Variants in ANO2 observed in about 807,000 individuals in gnomAD.
ANO2 encodes anoctamin 2, also known as anoctamin-2.
A neutral mutation model predicts 124.2 loss-of-function variants in ANO2; 101 were observed. That is an observed-to-expected ratio of 0.81 (90% CI 0.69 to 0.96). The LOEUF is 0.96. Ranked by LOEUF, ANO2 falls within the 40% of genes least tolerant of loss-of-function variation. ANO2 has a pLI of 0.00. For missense variants in ANO2, 1,293 were observed against 1,274.5 expected (o/e 1.01, Z -0.22); for synonymous variants, 486 against 482.5 (o/e 1.01, Z -0.09).
chr12:5,612,256 C>T (rs1944579239), intron 19 of ANO2, among the ~76,000 whole-genome samples: 1 of 152,172 alleles, frequency 6.6e-6, no homozygotes, highest in African/African-American at 2.4e-5. Context: ...ATGTATTCCA[C>T]ATTTTCTTCG....
intron 7 of ANO2, among the ~76,000 whole-genome samples, chr12:5,817,187 G>A (rs1342968632): frequency 6.6e-6 from 1 of 152,174 alleles, no homozygotes; most frequent in East Asian, 1.9e-4. Flanking sequence ...GGACTTTCCA[G>A]TTTACAAAAC....
intron 20 of ANO2, among the ~76,000 whole-genome samples, chr12:5,586,164 T>C (rs138947742): frequency 5.1e-4 from 78 of 152,320 alleles, no homozygotes; most frequent in African/African-American, 1.9e-3. Context: ...TGTGGTACGC[T>C]GAGGGCTGTG....
intron 14 of ANO2, among the ~76,000 whole-genome samples, chr12:5,653,747 C>T (rs1165554953): frequency 6.6e-6 from 1 of 152,158 alleles, no homozygotes; most frequent in African/African-American, 2.4e-5. Context: ...CAAATTATGA[C>T]ATGATGTGAC....
Position 5,904,263 on chromosome 12 carries a change from T to C in ANO2, c.534+16777A>G, listed in dbSNP as rs1565766002. 1.3e-5 allele frequency among the ~76,000 whole-genome samples: 2 copies of C among 152,198 alleles called. No individual in the cohort carries two copies. The highest frequency in any genetic ancestry group is 2.1e-4 in the South Asian group (1 of 4,830). On this transcript the variant is annotated intron_variant, in intron 3 of 24. Coordinates refer to ENST00000682330, the MANE Select transcript of ANO2 (RefSeq NM_001364791.2). The surrounding 1 kb of genome is among the most constrained non-coding windows in gnomAD (Gnocchi z 4.1). ...TCCTTGAAAAAGGAAAGAGCCAATA[T>C]GATGTGATTTCCAGAACCTGCTCCA...
At chr12:5,708,142 T>C (rs1949683846) in intron 14 of ANO2, among the ~76,000 whole-genome samples, 1 of 152,198 alleles carries the variant, frequency 6.6e-6, no homozygotes, top group African/African-American at 2.4e-5. Context: ...CGTGGTTCTT[T>C]TCCCTTCACC....
At chr12:5,939,366 C>T (rs946420644) in intron 1 of ANO2, among the ~76,000 whole-genome samples, 3 of 152,128 alleles carry the variant, frequency 2.0e-5, no homozygotes, top group African/African-American at 7.2e-5. Flanking sequence ...TCAATTTGAG[C>T]ACCTGCTCAA....
At chr12:5,886,709 T>C (rs1447724643) in intron 3 of ANO2, among the ~76,000 whole-genome samples, 6 of 152,228 alleles carry the variant, frequency 3.9e-5, no homozygotes, top group African/African-American at 9.6e-5. Context: ...ACTCAACAAA[T>C]TGTACATATT....
At chr12:5,851,862 A>G in intron 4 of ANO2, 1 of 700,002 alleles carries the variant, frequency 1.4e-6, no homozygotes, top group Non-Finnish European at 2.6e-6. Flanking sequence ...GCGGAGGTTG[A>G]AAAAGGACAC....
At chr12:5,603,837 C>T (rs990006580) in intron 19 of ANO2, among the ~76,000 whole-genome samples, 2 of 142,670 alleles carry the variant, frequency 1.4e-5, no homozygotes, top group African/African-American at 5.2e-5. Context: ...CCCAGCTACT[C>T]GGGAGGCTGA....
At chr12:5,711,498 C>T (rs1055930089) in intron 14 of ANO2, among the ~76,000 whole-genome samples, 28 of 152,284 alleles carry the variant, frequency 1.8e-4, no homozygotes, top group Middle Eastern at 3.4e-3. Context: ...ATAAATTACC[C>T]GGTCTCAGAT....
At chr12:5,827,348 C>A (rs952492960) in intron 7 of ANO2, among the ~76,000 whole-genome samples, 2 of 151,246 alleles carry the variant, frequency 1.3e-5, no homozygotes, top group Non-Finnish European at 2.9e-5. Flanking sequence ...ACAGTCATGA[C>A]CCCTCTCTGG....
chr12:5,633,444 G>A (rs1053456000), intron 16 of ANO2, among the ~76,000 whole-genome samples: 1 of 152,142 alleles, frequency 6.6e-6, no homozygotes, highest in African/African-American at 2.4e-5. Flanking sequence ...TTTCTCAGCT[G>A]GTTCAGTAAT....
chr12:5,616,368 G>A (rs1944809382), intron 16 of ANO2, among the ~76,000 whole-genome samples: 2 of 152,018 alleles, frequency 1.3e-5, no homozygotes, highest in African/African-American at 4.8e-5. Context: ...CTCTTACATA[G>A]GACTCTTTCC....
rs58095934 is a variant in ANO2 at position 5,923,081 on chromosome 12, T to TAC, written c.23-279_23-278dup. 5.1e-3 allele frequency among the ~76,000 whole-genome samples: 112 copies of TAC among 21,864 alleles called. 9 individuals carry two copies. Among genetic ancestry groups the TAC allele is most frequent in the Middle Eastern group, 0.028 (1 of 36 alleles). The allele number at this position is 21,864 out of a possible 152,430, so 14.3% of individuals were successfully genotyped here. ...CCACATACACACACACATGCACACA[T>TAC]ACACACACACACGCACACACATACA... On this transcript the variant is annotated intron_variant, in intron 1 of 24. Transcript: ENST00000682330.
At chr12:5,803,677 A>C (rs73255115) in intron 9 of ANO2, among the ~76,000 whole-genome samples, 2,519 of 152,200 alleles carry the variant, frequency 0.017, 63 homozygotes, top group African/African-American at 0.053. Flanking sequence ...ATCTACCCCC[A>C]CGCTGCTCCC....
intron 7 of ANO2, among the ~76,000 whole-genome samples, chr12:5,825,740 C>T (rs145105909): frequency 2.8e-4 from 43 of 152,272 alleles, no homozygotes; most frequent in African/African-American, 9.6e-4. Context: ...ACATGCAATA[C>T]AGGAGATTCG....
intron 1 of ANO2, among the ~76,000 whole-genome samples, chr12:5,934,403 A>G (rs990256993): frequency 1.3e-5 from 2 of 152,240 alleles, no homozygotes; most frequent in African/African-American, 4.8e-5. Flanking sequence ...TTTATAGTCA[A>G]TGATCAGACC....
At chr12:5,701,259 A>G (rs1377770207) in intron 14 of ANO2, among the ~76,000 whole-genome samples, 1 of 151,382 alleles carries the variant, frequency 6.6e-6, no homozygotes, top group Non-Finnish European at 1.5e-5. Context: ...TGAATTATTG[A>G]CTCTTCTTGA....
chr12:5,770,939 A>G (rs1409388797), intron 10 of ANO2, among the ~76,000 whole-genome samples: 8 of 151,844 alleles, frequency 5.3e-5, no homozygotes. Flanking sequence ...ATCTGCTCCA[A>G]TGTCACCTCC....
Sources: allele counts gnomAD v4.1 joint callset (sites outside exome capture counted in the v4.1 genomes callset), GRCh38; gene constraint gnomAD v4.1.1; non-coding constraint Gnocchi (gnomAD v3.1); transcripts MANE v1.5; gene names NCBI Gene and HGNC (gene_info 2026-07-23, HGNC 2026-07-21).